Variants in TMEM209 observed in about 807,000 individuals in gnomAD.
TMEM209 encodes the protein transmembrane protein 209.
TMEM209 carries 65 observed loss-of-function variants against 76.2 expected under a neutral mutation model. The observed-to-expected ratio is 0.85, with a 90% CI of 0.70 to 1.05. TMEM209 has a LOEUF of 1.05. Ranked by LOEUF, TMEM209 falls within the 50% of genes least tolerant of loss-of-function variation. The pLI, the probability that TMEM209 is intolerant of heterozygous loss-of-function variation, is 0.00. For missense variants in TMEM209, 623 were observed against 685.5 expected (o/e 0.91, Z 1.02); for synonymous variants, 239 against 237.6 (o/e 1.01, Z -0.06).
intron 5 of TMEM209, among the ~76,000 whole-genome samples, chr7:130,197,947 TACC>T (rs752145486): frequency 2.0e-5 from 3 of 152,252 alleles, no homozygotes; most frequent in Non-Finnish European, 4.4e-5. Flanking sequence ...TAAATTCACA[TACC>T]ACACAATTCA....
chr7:130,173,788 G>T, intron 12 of TMEM209, 37 bp downstream of exon 12: 1 of 1,604,554 alleles, frequency 6.2e-7, no homozygotes, highest in Non-Finnish European at 8.5e-7. Context: ...TATTTTGTGT[G>T]AAAATCTCAA....
chr7:130,171,682 T>C (rs904760314), intron 13 of TMEM209, among the ~76,000 whole-genome samples: 1 of 152,220 alleles, frequency 6.6e-6, no homozygotes, highest in African/African-American at 2.4e-5. Context: ...TTAGTAAAGA[T>C]GCTGGTAACA....
chr7:130,188,458 T>C (rs184516072), intron 6 of TMEM209, among the ~76,000 whole-genome samples: 3,101 of 151,780 alleles, frequency 0.02, 106 homozygotes, highest in African/African-American at 0.071. Flanking sequence ...TAGCCAGGCG[T>C]GGTGGCAGGC....
chr7:130,180,994 A>T (rs1004710301), intron 9 of TMEM209, among the ~76,000 whole-genome samples: 2 of 152,252 alleles, frequency 1.3e-5, no homozygotes, highest in Non-Finnish European at 2.9e-5. Flanking sequence ...TAGGTCCAAT[A>T]TAAACACTTG....
chr7:130,170,325 T>G, intron 14 of TMEM209, 75 bp downstream of exon 14: 1 of 1,237,904 alleles, frequency 8.1e-7, no homozygotes, highest in Admixed American at 1.9e-5. Context: ...TACATGCTGC[T>G]GCCTTCTGCA....
chr7:130,187,859 T>C (rs936312485), intron 6 of TMEM209, among the ~76,000 whole-genome samples: 2 of 152,000 alleles, frequency 1.3e-5, no homozygotes, highest in African/African-American at 4.8e-5. Flanking sequence ...AAGGCTTCCA[T>C]CCAGCCAAGA....
intron 9 of TMEM209, among the ~76,000 whole-genome samples, chr7:130,180,054 T>C (rs562404140): frequency 2.6e-5 from 4 of 152,304 alleles, no homozygotes; most frequent in South Asian, 4.1e-4. Flanking sequence ...TAATTACAAA[T>C]GTATACAAAG....
At chr7:130,203,049 A>G (rs1433788761) in intron 3 of TMEM209, among the ~76,000 whole-genome samples, 3 of 151,960 alleles carry the variant, frequency 2.0e-5, no homozygotes, top group African/African-American at 7.3e-5. Context: ...AGATTGTGCC[A>G]CTGTACTCCA....
At chr7:130,188,740 C>G (rs1188739633) in intron 6 of TMEM209, among the ~76,000 whole-genome samples, 1 of 152,004 alleles carries the variant, frequency 6.6e-6, no homozygotes, top group African/African-American at 2.4e-5. Context: ...ATGAAGAAAT[C>G]CAGTTGCTAT....
intron 6 of TMEM209, among the ~76,000 whole-genome samples, chr7:130,185,616 G>A (rs1320546653): frequency 6.6e-6 from 1 of 152,178 alleles, no homozygotes; most frequent in Non-Finnish European, 1.5e-5. Context: ...CATCTGTCTA[G>A]TTCTGTTGAA....
At chr7:130,187,374 T>C (rs1025626792) in intron 6 of TMEM209, among the ~76,000 whole-genome samples, 2 of 152,050 alleles carry the variant, frequency 1.3e-5, no homozygotes, top group African/African-American at 4.8e-5. Context: ...CTAAATAGCC[T>C]GTAAGAGGCT....
intron 9 of TMEM209, among the ~76,000 whole-genome samples, chr7:130,180,616 A>C (rs1190856262): frequency 6.6e-6 from 1 of 151,872 alleles, no homozygotes; most frequent in Non-Finnish European, 1.5e-5. Context: ...TGATCCGCCC[A>C]CCTCCGCCTC....
chr7:130,197,632 A>G (rs145328188), intron 5 of TMEM209, among the ~76,000 whole-genome samples: 18 of 152,342 alleles, frequency 1.2e-4, no homozygotes, highest in African/African-American at 4.3e-4. Context: ...TGATATTAAG[A>G]GTGTTTTCAG....
In TMEM209 at chr7:130,165,451, T is replaced by C. The variant is rs1207586000; in HGVS notation, c.*1000A>G. On this transcript the variant is annotated 3_prime_UTR_variant, in exon 15 of 15. Coordinates refer to ENST00000397622, the MANE Select transcript of TMEM209 (RefSeq NM_032842.4). Reference sequence around the variant, plus strand: ...ACTTTAAAAATAACACATTATGGAATAGTAAAACTGAGCTGCTAAAACCAA... The same window carrying C: ...ACTTTAAAAATAACACATTATGGAACAGTAAAACTGAGCTGCTAAAACCAA... 1 of 152,144 alleles carries C rather than the reference T, an allele frequency of 6.6e-6. No homozygotes were observed. Among genetic ancestry groups the C allele is most frequent in the East Asian group, 1.9e-4 (1 of 5,204 alleles). The allele number at this position is 152,144 out of a possible 1,614,324, so 9.4% of individuals were successfully genotyped here. A position where few individuals can be genotyped will look rare whatever the true frequency, so the allele number is the denominator to read the frequency against.
chr7:130,201,014 G>A (rs543780950), intron 5 of TMEM209, among the ~76,000 whole-genome samples: 29 of 138,250 alleles, frequency 2.1e-4, no homozygotes, highest in African/African-American at 7.3e-4. Flanking sequence ...GCATGAGCCC[G>A]GGAGGCGGAG....
rs1797147444 is a variant in TMEM209 at position 130,173,705 on chromosome 7, C to A, written c.1484G>T (p.Cys495Phe). 1 of 1,613,510 alleles carries A rather than the reference C, an allele frequency of 6.2e-7. No homozygotes were observed. Among genetic ancestry groups the A allele is most frequent in the Non-Finnish European group, 8.5e-7 (1 of 1,179,732 alleles). ...AGGGTTGATAGCACTCTGATAAATGCAAAAAACATTCTCATTTGTAACATC... is the reference window on the plus strand; with the variant it reads ...AGGGTTGATAGCACTCTGATAAATGAAAAAAACATTCTCATTTGTAACATC... ...KPDVTNENVF[C>F]IYQSAINPPH... The change falls in exon 13 of 15, where the codon TGC becomes TTC. Residue 495 changes from cysteine to phenylalanine, a missense_variant. By Grantham distance (205) the Cys-to-Phe change is radical. Coordinates refer to ENST00000397622, the MANE Select transcript of TMEM209 (RefSeq NM_032842.4).
Position 130,170,453 on chromosome 7 carries a change from A to G in TMEM209, c.1578T>C (p.His526=), listed in dbSNP as rs1280339621. 6.2e-7 allele frequency: 1 copy of G among 1,612,938 alleles called. No homozygotes were observed. The highest frequency in any genetic ancestry group is 1.7e-5 in the Admixed American group (1 of 59,924). Residue 526 remains histidine, a synonymous_variant, in exon 14 of 15, where the codon CAT becomes CAC. Transcript: ENST00000397622. ...TGATGTAGAGAAACATCAACAATGT[A>G]TGAAACATATTATTTCTGCCCTGGA... is the stretch of plus-strand genomic sequence containing the variant. ...NLPKGRNNMF[H]TLLMFLYIIK...
chr7:130,173,504 T>A (rs1265905104), intron 13 of TMEM209, 128 bp downstream of exon 13: 1 of 648,772 alleles, frequency 1.5e-6, no homozygotes, highest in Non-Finnish European at 2.6e-6. Context: ...GAAATATATA[T>A]GTAGGAAACA....
At chr7:130,183,936 A>G (rs866932424) in intron 8 of TMEM209, among the ~76,000 whole-genome samples, 16 of 152,206 alleles carry the variant, frequency 1.1e-4, no homozygotes, top group Admixed American at 2.6e-4. Flanking sequence ...GAGGATCTCA[A>G]TAACTAAACA....
Sources: allele counts gnomAD v4.1 joint callset (sites outside exome capture counted in the v4.1 genomes callset), GRCh38; gene constraint gnomAD v4.1.1; transcripts MANE v1.5; gene names NCBI Gene and HGNC (gene_info 2026-07-23, HGNC 2026-07-21).